SNX29: variants seen among roughly 807,000 people sequenced by gnomAD.
SNX29 encodes sorting nexin-29.
SNX29 carries 78 observed loss-of-function variants against 102.1 expected under a neutral mutation model. The ratio of observed to expected loss-of-function variants is 0.76; its 90% confidence interval spans 0.64 to 0.92. The LOEUF is 0.92. SNX29 is among the 40% of genes least tolerant of loss of function. SNX29 has a pLI of 0.00. For missense variants in SNX29, 1,280 were observed against 1,061.7 expected (o/e 1.21, Z -2.86); for synonymous variants, 580 against 414.5 (o/e 1.40, Z -4.85).
intron 20 of SNX29, among the ~76,000 whole-genome samples, chr16:12,562,556 T>A (rs188401012): frequency 1.3e-5 from 2 of 152,178 alleles, no homozygotes; most frequent in Non-Finnish European, 2.9e-5. Context: ...TCTAAGACAC[T>A]GTCCCCGTGG....
At chr16:12,092,781 G>C (rs2052610966) in intron 11 of SNX29, among the ~76,000 whole-genome samples, 1 of 152,218 alleles carries the variant, frequency 6.6e-6, no homozygotes, top group Admixed American at 6.5e-5. Flanking sequence ...TGACTTGCCT[G>C]ACCTCGTTAG....
intron 14 of SNX29, among the ~76,000 whole-genome samples, chr16:12,252,744 C>A (rs1156311934): frequency 6.6e-6 from 1 of 152,184 alleles, no homozygotes; most frequent in Non-Finnish European, 1.5e-5. Flanking sequence ...TGGCTCACAC[C>A]CCTAAGAGGC....
At chr16:12,185,422 T>C (rs569612895) in intron 13 of SNX29, among the ~76,000 whole-genome samples, 2 of 152,282 alleles carry the variant, frequency 1.3e-5, no homozygotes, top group South Asian at 4.1e-4. Flanking sequence ...TTTAATTATT[T>C]GCACAGAATT....
chr16:12,280,530 T>C (rs1347095416), intron 15 of SNX29, among the ~76,000 whole-genome samples: 3 of 150,952 alleles, frequency 2.0e-5, no homozygotes, highest in Non-Finnish European at 4.4e-5. Flanking sequence ...CCTTCTTGTT[T>C]GTTTTTTTTA....
At chr16:12,044,700 T>C (rs2050018993) in intron 5 of SNX29, among the ~76,000 whole-genome samples, 1 of 152,148 alleles carries the variant, frequency 6.6e-6, no homozygotes, top group Non-Finnish European at 1.5e-5. Flanking sequence ...TGCCTCAGCC[T>C]CCCGAGTAGC....
intron 15 of SNX29, among the ~76,000 whole-genome samples, chr16:12,333,136 T>C (rs549819916): frequency 6.0e-4 from 85 of 141,274 alleles, no homozygotes; most frequent in Admixed American, 1.9e-3. Context: ...GGCAGAGTCT[T>C]GTTCTGTTGT....
chr16:12,454,769 G>T (rs2086462597), intron 18 of SNX29, among the ~76,000 whole-genome samples: 1 of 151,858 alleles, frequency 6.6e-6, no homozygotes, highest in Non-Finnish European at 1.5e-5. Flanking sequence ...ACCCAGGCTG[G>T]AGTGCAGTGG....
chr16:12,272,970 C>A (rs1407789718), intron 14 of SNX29, among the ~76,000 whole-genome samples: 1 of 152,224 alleles, frequency 6.6e-6, no homozygotes, highest in Non-Finnish European at 1.5e-5. Flanking sequence ...GTCATATCAT[C>A]ATTTTGGTTA....
In SNX29 at chr16:12,139,088, G is replaced by A. The variant is rs116034120; in HGVS notation, c.1595+9330G>A. Among the ~76,000 whole-genome samples the A allele has an allele frequency of 8.1e-3, 1,217 of 149,572 alleles. 17 individuals are homozygous for A. The highest frequency in any genetic ancestry group is 0.029 in the African/African-American group (1,159 of 40,534). ...GTTGTGGTGTGTACCTGTAATCCCA[G>A]CTACTCCAGAAGAATAAGAGAATCA... On this transcript the variant is annotated intron_variant, in intron 13 of 20. Coordinates refer to ENST00000566228, the MANE Select transcript of SNX29 (RefSeq NM_032167.5).
intron 13 of SNX29, among the ~76,000 whole-genome samples, chr16:12,140,606 TTCTG>T (rs2054835936): frequency 6.6e-6 from 1 of 152,124 alleles, no homozygotes; most frequent in Non-Finnish European, 1.5e-5. Context: ...GACGCTTGGA[TTCTG>T]TCCATTTTCC....
At chr16:12,471,238 AC>A (rs1164582473) in intron 18 of SNX29, among the ~76,000 whole-genome samples, 2 of 151,886 alleles carry the variant, frequency 1.3e-5, no homozygotes, top group East Asian at 1.9e-4. Context: ...CTTCTTTTCC[AC>A]CCGCTTATGG....
At chr16:12,417,647 C>T (rs1436477268) in intron 18 of SNX29, among the ~76,000 whole-genome samples, 1 of 151,942 alleles carries the variant, frequency 6.6e-6, no homozygotes, top group Non-Finnish European at 1.5e-5. Flanking sequence ...TTTTCCCTGT[C>T]ATTTCCCTCT....
chr16:12,554,965 T>TGGGGC (rs1317009791), intron 20 of SNX29, among the ~76,000 whole-genome samples: 1 of 148,952 alleles, frequency 6.7e-6, no homozygotes, highest in African/African-American at 2.6e-5. Context: ...ATGGAGGTGG[T>TGGGGC]GAGGGGGGTC....
Position 12,403,465 on chromosome 16 carries a change from T to G in SNX29, c.1973T>G (p.Ile658Ser), listed in dbSNP as rs1434018367. The G allele has an allele frequency of 6.2e-7, 1 of 1,608,962 alleles. No homozygotes were observed. Residue 658 changes from isoleucine (I) to serine (S), a missense_variant, in exon 18 of 21, where the codon ATC becomes AGC. Physicochemically the swap from Ile to Ser is moderately radical, Grantham distance 142. Transcript: ENST00000566228. ...SDFEISNRAL[I>S]NVWIPSVFLR... ...TTGGTTAGATCAAACCGGGCGCTGA[T>G]CAACGTCTGGATCCCCTCAGTGTTT...
chr16:12,035,655 T>C (rs2057453216), intron 4 of SNX29, among the ~76,000 whole-genome samples: 1 of 152,210 alleles, frequency 6.6e-6, no homozygotes, highest in Admixed American at 6.5e-5. Flanking sequence ...CCTTTGTTCC[T>C]GGCATGGCTG....
At chr16:12,378,546 G>C (rs1468319375) in intron 16 of SNX29, among the ~76,000 whole-genome samples, 1 of 152,170 alleles carries the variant, frequency 6.6e-6, no homozygotes, top group East Asian at 1.9e-4. Flanking sequence ...CTACTCAAGA[G>C]GGTGAGTCAG....
chr16:12,025,201 C>CT (rs2057153940), intron 3 of SNX29, among the ~76,000 whole-genome samples: 1 of 147,704 alleles, frequency 6.8e-6, no homozygotes, highest in South Asian at 2.1e-4. Flanking sequence ...ACATGGGAGG[C>CT]TGAGGCAGGA....
intron 13 of SNX29, among the ~76,000 whole-genome samples, chr16:12,133,983 C>A (rs2054567224): frequency 1.3e-5 from 2 of 152,190 alleles, no homozygotes; most frequent in Admixed American, 1.3e-4. Flanking sequence ...AGAACAAGGT[C>A]ATGTAACTAG....
chr16:12,484,565 A>G (rs2088133692), intron 19 of SNX29, among the ~76,000 whole-genome samples: 1 of 151,096 alleles, frequency 6.6e-6, no homozygotes, highest in Non-Finnish European at 1.5e-5. Context: ...TCCCTCTCCT[A>G]CCTTATCTCA....
Sources: allele counts gnomAD v4.1 joint callset (sites outside exome capture counted in the v4.1 genomes callset), GRCh38; gene constraint gnomAD v4.1.1; transcripts MANE v1.5; gene names NCBI Gene and HGNC (gene_info 2026-07-23, HGNC 2026-07-21).